The following TBC1D22A variants were observed in gnomAD, a reference collection of about 807,000 sequenced individuals.
TBC1D22A encodes putative GTPase activator.
A neutral mutation model predicts 60.2 loss-of-function variants in TBC1D22A; 38 were observed. That is an observed-to-expected ratio of 0.63 (90% confidence interval 0.49 to 0.83). The LOEUF (loss-of-function observed/expected upper bound fraction) is 0.83, where lower values mean the gene tolerates loss of function less well. Ranked by LOEUF, TBC1D22A falls within the 40% of genes least tolerant of loss-of-function variation. TBC1D22A has a pLI of 0.00. For synonymous variants in TBC1D22A, 302 were observed against 281.7 expected (o/e 1.07, Z -0.72); for missense variants, 628 against 701.0 (o/e 0.90, Z 1.18).
At chr22:46,827,227 C>G (rs1433649140) in intron 4 of TBC1D22A, among the ~76,000 whole-genome samples, 2 of 152,204 alleles carry the variant, frequency 1.3e-5, no homozygotes, top group African/African-American at 4.8e-5. Context: ...TCTAACTTAC[C>G]TTGGAGAGTG....
At chr22:46,902,011 C>T (rs2053816603) in intron 7 of TBC1D22A, among the ~76,000 whole-genome samples, 1 of 152,244 alleles carries the variant, frequency 6.6e-6, no homozygotes, top group African/African-American at 2.4e-5. Flanking sequence ...TGCAAAATCT[C>T]TGAGCTCCCT....
Position 46,792,368 on chromosome 22 carries a change from C to T in TBC1D22A, c.63-152C>T, listed in dbSNP as rs567678535. On this transcript the variant is annotated intron_variant, in intron 1 of 12. Transcript: ENST00000337137. ...CTTCTGAACTGGGCCCTCAGGACCC[C>T]GGGTGGCTGCAGGGGGGCCTGCGAC... The T allele has an allele frequency of 8.4e-5, 83 of 982,928 alleles. No homozygotes were observed. In the East Asian group the frequency reaches 1.7e-3, roughly 20 times the overall value. 60.9% of individuals were successfully genotyped at this position (982,928 alleles called of 1,614,324 possible). A position where few individuals can be genotyped will look rare whatever the true frequency, so the allele number is the denominator to read the frequency against.
chr22:46,861,047 T>G (rs1291153528), intron 4 of TBC1D22A, among the ~76,000 whole-genome samples: 1 of 152,122 alleles, frequency 6.6e-6, no homozygotes, highest in African/African-American at 2.4e-5. Context: ...TGTCTCTGCC[T>G]CCCGGGTTCA....
chr22:47,059,435 C>T (rs2063500796), intron 11 of TBC1D22A, among the ~76,000 whole-genome samples: 1 of 152,356 alleles, frequency 6.6e-6, no homozygotes, highest in Non-Finnish European at 1.5e-5. Context: ...TTTGCGCCTT[C>T]TTTCCACGGG....
At chr22:46,958,290 C>T (rs996627875) in intron 8 of TBC1D22A, among the ~76,000 whole-genome samples, 1 of 152,170 alleles carries the variant, frequency 6.6e-6, no homozygotes, top group African/African-American at 2.4e-5. Flanking sequence ...GCTGGAGGTA[C>T]AAGCTGGCTG....
chr22:46,804,065 A>G (rs577974185), intron 4 of TBC1D22A, among the ~76,000 whole-genome samples: 2 of 152,208 alleles, frequency 1.3e-5, no homozygotes, highest in Non-Finnish European at 2.9e-5. Flanking sequence ...CTACCATCCA[A>G]TGGCAGCTCA....
Position 46,771,512 on chromosome 22 carries a change from G to A in TBC1D22A, c.62+8664G>A, listed in dbSNP as rs754605947. Among the ~76,000 whole-genome samples, 9 of 151,816 alleles carry A rather than the reference G, an allele frequency of 5.9e-5. No homozygotes were observed. The East Asian group carries it at 9.7e-4, about 16-fold the overall frequency. ...GAACCCAGTCTTTTATCCCTCACCC[G>A]CTTCCCATCCTTTTCCTCTGAGTCC... On this transcript the variant is annotated intron_variant, in intron 1 of 12. Coordinates refer to ENST00000337137, the MANE Select transcript of TBC1D22A (RefSeq NM_014346.5).
At chr22:47,041,056 A>G (rs908782637) in intron 11 of TBC1D22A, among the ~76,000 whole-genome samples, 2 of 152,118 alleles carry the variant, frequency 1.3e-5, no homozygotes, top group African/African-American at 2.4e-5. Flanking sequence ...ACATCTCCAC[A>G]CTTTACGTTT....
chr22:46,967,218 C>G (rs2073845315), intron 8 of TBC1D22A, among the ~76,000 whole-genome samples: 1 of 152,190 alleles, frequency 6.6e-6, no homozygotes, highest in Non-Finnish European at 1.5e-5. Context: ...GCCATTTGAT[C>G]ATAACGTTAG....
At chr22:46,775,645 A>G (rs1476360795) in intron 1 of TBC1D22A, among the ~76,000 whole-genome samples, 1 of 152,116 alleles carries the variant, frequency 6.6e-6, no homozygotes, top group African/African-American at 2.4e-5. Context: ...TAATCTCTAT[A>G]GTGAGTTAGT....
At chr22:46,853,276 G>A (rs887347480) in intron 4 of TBC1D22A, among the ~76,000 whole-genome samples, 1 of 152,204 alleles carries the variant, frequency 6.6e-6, no homozygotes, top group African/African-American at 2.4e-5. Flanking sequence ...GGTGGGGCAG[G>A]GGTGACAGAG....
chr22:46,894,914 C>T lies in TBC1D22A; in HGVS notation c.900+68C>T, dbSNP rs181079848. The T allele has an allele frequency of 1.5e-4, 228 of 1,562,988 alleles. 2 individuals carry two copies. The African/African-American group carries it at 2.5e-3, about 17-fold the overall frequency. On this transcript the variant is annotated intron_variant, in intron 7 of 12. Coordinates refer to ENST00000337137, the MANE Select transcript of TBC1D22A (RefSeq NM_014346.5). ...GCTGATGCCCACTGTGCTAACCAGA[C>T]AGTGGGCGCAGCCGGAGGTGCTTCA...
intron 1 of TBC1D22A, chr22:46,764,119 T>G (rs2083204466): frequency 6.6e-6 from 1 of 152,116 alleles, no homozygotes; most frequent in Non-Finnish European, 1.5e-5. Context: ...AAGTTTACTT[T>G]TAAGAGTGAT....
Position 46,930,181 on chromosome 22 carries a change from C to T in TBC1D22A, c.1015+17993C>T, listed in dbSNP as rs539690076. Among the ~76,000 whole-genome samples, 63 of 152,326 alleles carry T rather than the reference C, an allele frequency of 4.1e-4. No individual in the cohort carries two copies. The South Asian group carries it at 4.6e-3, about 11-fold the overall frequency. On this transcript the variant is annotated intron_variant, in intron 8 of 12. Coordinates refer to ENST00000337137, the MANE Select transcript of TBC1D22A (RefSeq NM_014346.5). ...TTGATTCCTGGCTCCTTCTCACTGT[C>T]TCCCCCATCAGACCACGCCGGCCTG... is the stretch of plus-strand genomic sequence containing the variant.
chr22:47,059,276 C>T (rs1041026886), intron 11 of TBC1D22A, among the ~76,000 whole-genome samples: 7 of 152,230 alleles, frequency 4.6e-5, no homozygotes, highest in African/African-American at 1.2e-4. Context: ...GGTGTGGGTG[C>T]GCACGCGTCT....
intron 5 of TBC1D22A, among the ~76,000 whole-genome samples, chr22:46,890,011 G>A (rs530888560): frequency 1.3e-5 from 2 of 152,288 alleles, no homozygotes; most frequent in South Asian, 2.1e-4. Flanking sequence ...ATATCTGGGG[G>A]TTTTGCATCT....
chr22:47,056,214 C>T (rs2063389017), intron 11 of TBC1D22A, among the ~76,000 whole-genome samples: 1 of 152,062 alleles, frequency 6.6e-6, no homozygotes, highest in Admixed American at 6.5e-5. Context: ...TGCTCCCCAG[C>T]CGTGGTGTAG....
chr22:47,129,110 T>G (rs941863214), intron 12 of TBC1D22A, among the ~76,000 whole-genome samples: 1 of 152,202 alleles, frequency 6.6e-6, no homozygotes, highest in African/African-American at 2.4e-5. Context: ...CTAGGTCCTG[T>G]CACTGATGAG....
chr22:47,095,582 A>C (rs139944197), intron 11 of TBC1D22A, among the ~76,000 whole-genome samples: 71 of 152,078 alleles, frequency 4.7e-4, no homozygotes, highest in Admixed American at 1.0e-3. Context: ...CGTGTAGTGC[A>C]GTGTTAAGAG....
Sources: gnomAD v4.1 joint callset for allele counts (sites outside exome capture counted in the v4.1 genomes callset) on GRCh38, gnomAD v4.1.1 for gene constraint, MANE v1.5 for transcripts, NCBI Gene and HGNC (gene_info 2026-07-23, HGNC 2026-07-21) for gene names.